Variants in ZNF623 observed in about 807,000 individuals in gnomAD.
ZNF623 encodes zinc finger protein 623.
ZNF623 carries 16 observed loss-of-function variants against 24.0 expected under a neutral mutation model. The observed-to-expected ratio is 0.67, with a 90% confidence interval of 0.45 to 1.01. The LOEUF is 1.01. Ranked by LOEUF, ZNF623 falls within the 50% of genes least tolerant of loss-of-function variation. The pLI is 0.00. For missense variants in ZNF623, 566 were observed against 606.5 expected (o/e 0.93, Z 0.70); for synonymous variants, 224 against 219.8 (o/e 1.02, Z -0.17).
At position 143,651,268 on chromosome 8, in the gene ZNF623, A is replaced by C; in HGVS notation, c.1276A>C (p.Lys426Gln). The change falls in exon 2 of 2, where the codon AAA becomes CAA. Residue 426 changes from lysine (K) to glutamine (Q), a missense_variant. Physicochemically the swap from Lys to Gln is moderately conservative, Grantham distance 53. Transcript: ENST00000526926. Reference sequence around the variant, plus strand: ...GCCCTATGTGTGCAGTTATTGTGGGAAAGGCTTTATTCAGAGGTCAAACTT... The same window carrying C: ...GCCCTATGTGTGCAGTTATTGTGGGCAAGGCTTTATTCAGAGGTCAAACTT... ...EKPYVCSYCG[K>Q]GFIQRSNFLQ... 6.2e-7 allele frequency: 1 copy of C among 1,614,248 alleles called. No individual in the cohort carries two copies. Among genetic ancestry groups the C allele is most frequent in the East Asian group, 2.2e-5 (1 of 44,886 alleles).
In ZNF623 at chr8:143,653,267, T is replaced by G. The variant is rs1440228967; in HGVS notation, c.*1784T>G. ...AAAGTCCAGTTTTGTAACGATATAA[T>G]TTTTTTCTCATGAGGCCATATTTTG... is the stretch of plus-strand genomic sequence containing the variant. On this transcript the variant is annotated 3_prime_UTR_variant, in exon 2 of 2. Coordinates refer to ENST00000526926, the MANE Select transcript of ZNF623 (RefSeq NM_001261843.2). The G allele has an allele frequency of 6.0e-6, 1 of 166,990 alleles. No homozygotes were observed. Among genetic ancestry groups the G allele is most frequent in the Non-Finnish European group, 1.5e-5 (1 of 68,104 alleles). The allele number at this position is 166,990 out of a possible 1,614,324, so 10.3% of individuals were successfully genotyped here.
chr8:143,651,409 C>T lies in ZNF623; in HGVS notation c.1417C>T (p.Leu473Phe). 1.2e-6 allele frequency: 2 copies of T among 1,613,890 alleles called. No individual in the cohort carries two copies. Among genetic ancestry groups the T allele is most frequent in the Non-Finnish European group, 1.7e-6 (2 of 1,179,858 alleles). Residue 473 changes from leucine to phenylalanine, a missense_variant, in exon 2 of 2, where the codon CTC becomes TTC. Coordinates refer to ENST00000526926, the MANE Select transcript of ZNF623 (RefSeq NM_001261843.2). ...KNNQRVHQEG[L>F]SLSKAPIHLG... is the part of the protein sequence containing the mutation. The stretch of plus-strand genomic sequence containing the variant: ...TAATCAAAGGGTTCACCAAGAGGGA[C>T]TCTCCTTGAGTAAGGCCCCCATACA...
intron 1 of ZNF623, among the ~76,000 whole-genome samples, chr8:143,639,599 C>T (rs918773218): frequency 6.6e-6 from 1 of 152,204 alleles, no homozygotes; most frequent in Non-Finnish European, 1.5e-5. Flanking sequence ...AAGCAGTCTA[C>T]CTGCCTCAGC....
chr8:143,638,353 A>AC lies in ZNF623; in HGVS notation c.-96+2208_-96+2209insC, dbSNP rs1202701613. Among the ~76,000 whole-genome samples, 4 of 149,894 alleles carry AC rather than the reference A, an allele frequency of 2.7e-5. 1 individual carries two copies. In the South Asian group the frequency reaches 6.4e-4, roughly 24 times the overall value. ...GAGATTCCGTCTTAAAAAAAAAAAA[A>AC]AAACTTTCTCAAAAGTTAAAAAAAT... On this transcript the variant is annotated intron_variant, in intron 1 of 1. Coordinates refer to ENST00000526926, the MANE Select transcript of ZNF623 (RefSeq NM_001261843.2).
At chr8:143,644,386 C>G (rs748523601) in intron 1 of ZNF623, among the ~76,000 whole-genome samples, 2 of 152,078 alleles carry the variant, frequency 1.3e-5, no homozygotes, top group Non-Finnish European at 2.9e-5. Flanking sequence ...GCTGATCCCC[C>G]CTCCCTCATT....
chr8:143,643,292 A>G (rs1815100343), intron 1 of ZNF623, among the ~76,000 whole-genome samples: 1 of 152,236 alleles, frequency 6.6e-6, no homozygotes, highest in Non-Finnish European at 1.5e-5. Flanking sequence ...GATGACATAC[A>G]GTTGCAGCTT....
rs376045179 is a variant in ZNF623, at chr8:143,644,605, C to T, written c.-95-5293C>T. ...AATATATATGGAAATTAAGCAAATACATGGCTGGGTGTGGTGGCTCACTCC... is the reference window on the plus strand; with the variant it reads ...AATATATATGGAAATTAAGCAAATATATGGCTGGGTGTGGTGGCTCACTCC... On this transcript the variant is annotated intron_variant, in intron 1 of 1. Coordinates refer to ENST00000526926, the MANE Select transcript of ZNF623 (RefSeq NM_001261843.2). Among the ~76,000 whole-genome samples, 5 of 152,084 alleles carry T rather than the reference C, an allele frequency of 3.3e-5. No individual in the cohort carries two copies. The East Asian group carries it at 5.8e-4, about 18-fold the overall frequency.
chr8:143,651,324 G>A lies in ZNF623; in HGVS notation c.1332G>A (p.Glu444=). The A allele has an allele frequency of 1.9e-6, 3 of 1,614,192 alleles. No homozygotes were observed. Among genetic ancestry groups the A allele is most frequent in the Non-Finnish European group, 2.5e-6 (3 of 1,180,036 alleles). Residue 444 remains glutamate, a synonymous_variant, in exon 2 of 2, where the codon GAG becomes GAA. Coordinates refer to ENST00000526926, the MANE Select transcript of ZNF623 (RefSeq NM_001261843.2). ...FLQHQKIHTE[E]KLYECSQYGR... is the part of the protein sequence containing the mutation. ...AACACCAGAAAATTCATACTGAAGA[G>A]AAGCTCTATGAATGTAGTCAGTATG...
intron 1 of ZNF623, among the ~76,000 whole-genome samples, chr8:143,646,912 C>T (rs2131451243): frequency 6.6e-6 from 1 of 152,308 alleles, no homozygotes; most frequent in Middle Eastern, 3.4e-3. Context: ...GTGACCCTCC[C>T]ACCTCTGCCT....
intron 1 of ZNF623, among the ~76,000 whole-genome samples, chr8:143,642,603 G>A (rs115149468): frequency 5.9e-4 from 90 of 152,270 alleles, no homozygotes; most frequent in African/African-American, 2.1e-3. Context: ...GGTTTAAAGT[G>A]AGAGATGTGG....
chr8:143,647,328 T>A (rs1389696226), intron 1 of ZNF623, among the ~76,000 whole-genome samples: 2 of 152,042 alleles, frequency 1.3e-5, no homozygotes, highest in African/African-American at 4.8e-5. Context: ...GCCCGGCTAA[T>A]TTTTTTTGTA....
chr8:143,644,303 C>G (rs1326062490), intron 1 of ZNF623, among the ~76,000 whole-genome samples: 1 of 152,210 alleles, frequency 6.6e-6, no homozygotes. Context: ...CAGGCATGAG[C>G]CGCTGTACCT....
chr8:143,648,412 G>A (rs1276980915), intron 1 of ZNF623, among the ~76,000 whole-genome samples: 1 of 152,100 alleles, frequency 6.6e-6, no homozygotes, highest in African/African-American at 2.4e-5. Context: ...TGGGGTGAGA[G>A]CCCTACTGTA....
rs772052710 is a variant in ZNF623 at position 143,650,611 on chromosome 8, A to G, written c.619A>G (p.Ser207Gly). Residue 207 changes from serine (S) to glycine (G), a missense_variant, in exon 2 of 2, where the codon AGC (serine) becomes GGC (glycine). By Grantham distance (56) the Ser-to-Gly change is moderately conservative. Coordinates refer to ENST00000526926, the MANE Select transcript of ZNF623 (RefSeq NM_001261843.2). The surrounding 1 kb of genome is among the most constrained non-coding windows in gnomAD (Gnocchi z 5.2). ...AGAGTGTGGGAAAGGCTTCAGTCAG[A>G]GCTCCTTACTTATTCGCCATCAGAG... The part of the protein sequence containing the change: ...CKECGKGFSQ[S>G]SLLIRHQRIH... 1.9e-6 allele frequency: 3 copies of G among 1,614,174 alleles called. No individual in the cohort carries two copies. The Admixed American group carries it at 5.0e-5, about 27-fold the overall frequency.
chr8:143,649,925 A>G lies in ZNF623; in HGVS notation c.-68A>G. On this transcript the variant is annotated 5_prime_UTR_variant, in exon 2 of 2. Coordinates refer to ENST00000526926, the MANE Select transcript of ZNF623 (RefSeq NM_001261843.2). The stretch of plus-strand genomic sequence containing the variant: ...TCTAATGTAGGAACTGGTGAGAAGA[A>G]GGTGACTGAAGCCTGGATTTCTGAG... The G allele has an allele frequency of 6.2e-7, 1 of 1,613,240 alleles. No homozygotes were observed. Among genetic ancestry groups the G allele is most frequent in the Non-Finnish European group, 8.5e-7 (1 of 1,179,276 alleles).
At chr8:143,640,432 AT>A (rs767258547) in intron 1 of ZNF623, among the ~76,000 whole-genome samples, 1 of 152,150 alleles carries the variant, frequency 6.6e-6, no homozygotes, top group Non-Finnish European at 1.5e-5. Flanking sequence ...TTCACAAAAG[AT>A]TTCTCTGTAG....
chr8:143,652,413 T>C lies in ZNF623; in HGVS notation c.*930T>C, dbSNP rs1474285861. ...TTGGCATCTCTCTTGCTTTGTCCTT[T>C]CTATACTGCCATTCTAAAAATTTTC... is the stretch of plus-strand genomic sequence containing the variant. On this transcript the variant is annotated 3_prime_UTR_variant, in exon 2 of 2. Coordinates refer to ENST00000526926, the MANE Select transcript of ZNF623 (RefSeq NM_001261843.2). 1 of 167,118 alleles carries C rather than the reference T, an allele frequency of 6.0e-6. No individual in the cohort carries two copies. The highest frequency in any genetic ancestry group is 1.9e-4 in the East Asian group (1 of 5,204). The allele number at this position is 167,118 out of a possible 1,614,324, so 10.4% of individuals were successfully genotyped here. A position where few individuals can be genotyped will look rare whatever the true frequency, so the allele number is the denominator to read the frequency against.
At position 143,652,582 on chromosome 8, in the gene ZNF623, C is replaced by G. The variant is rs1815356187; in HGVS notation, c.*1099C>G. 6.0e-6 allele frequency: 1 copy of G among 167,120 alleles called. No homozygotes were observed. Among genetic ancestry groups the G allele is most frequent in the African/African-American group, 2.4e-5 (1 of 41,452 alleles). 10.4% of individuals were successfully genotyped at this position (167,120 alleles called of 1,614,324 possible). On this transcript the variant is annotated 3_prime_UTR_variant, in exon 2 of 2. Transcript: ENST00000526926. Reference sequence around the variant, plus strand: ...AATATCCTGTGCACATCCACGCCCTCCTGTGTGCCACCTTACAGCTCATGC... The same window carrying G: ...AATATCCTGTGCACATCCACGCCCTGCTGTGTGCCACCTTACAGCTCATGC...
intron 1 of ZNF623, among the ~76,000 whole-genome samples, chr8:143,645,314 C>T (rs750393315): frequency 6.6e-6 from 1 of 151,606 alleles, no homozygotes; most frequent in Non-Finnish European, 1.5e-5. Flanking sequence ...TGGTGGCGGG[C>T]GCCTGTAGTC....
Sources: gnomAD v4.1 joint callset for allele counts (sites outside exome capture counted in the v4.1 genomes callset) on GRCh38, gnomAD v4.1.1 for gene constraint, Gnocchi (gnomAD v3.1) non-coding constraint, MANE v1.5 for transcripts, NCBI Gene and HGNC (gene_info 2026-07-23, HGNC 2026-07-21) for gene names.